The following TENM4 variants were observed in gnomAD, a reference collection of about 807,000 sequenced individuals.
TENM4 encodes teneurin-4.
TENM4 carries 82 observed loss-of-function variants against 243.3 expected under a neutral mutation model. The observed-to-expected ratio is 0.34, with a 90% CI of 0.28 to 0.40. The LOEUF is 0.40. Among genes scored for constraint, TENM4 ranks in the 10% least tolerant of loss-of-function variants. The probability of loss-of-function intolerance (pLI) is 1.00; values close to 1 mark genes in which losing one functional copy is unlikely to be tolerated. For synonymous variants in TENM4, 1,412 were observed against 1,456.3 expected (o/e 0.97, Z 0.69); for missense variants, 3,138 against 3,673.3 (o/e 0.85, Z 3.77).
chr11:78,923,693 CTTTTTT>C lies in TENM4; in HGVS notation c.494-20176_494-20171del, dbSNP rs1172776088. Reference sequence around the variant, plus strand: ...GCTGGGATGACAGGCATGCACCTGGCTTTTTTTTTTTTTTTTTTTTTTTTAAAGTAG... The same window carrying C: ...GCTGGGATGACAGGCATGCACCTGGCTTTTTTTTTTTTTTTTTTAAAGTAG... On this transcript the variant is annotated intron_variant, in intron 6 of 33. Transcript: ENST00000278550. Among the ~76,000 whole-genome samples, 14 of 53,680 alleles carry C rather than the reference CTTTTTT, an allele frequency of 2.6e-4. No homozygotes were observed. In the East Asian group the frequency reaches 3.4e-3, roughly 13 times the overall value. The allele number at this position is 53,680 out of a possible 152,430, so 35.2% of individuals were successfully genotyped here.
rs1407742416 is a variant in TENM4 at position 79,404,935 on chromosome 11, C to T, written c.-321+35574G>A. Among the ~76,000 whole-genome samples the T allele has an allele frequency of 2.0e-5, 3 of 152,026 alleles. No individual in the cohort carries two copies. In the East Asian group the frequency reaches 5.8e-4, roughly 29 times the overall value. The stretch of plus-strand genomic sequence containing the variant: ...ACCAGATGAAGCTTGTCCTCTTGTT[C>T]CTGAACCTGTGGATATGGAAACTCC... On this transcript the variant is annotated intron_variant, in intron 1 of 33. Transcript: ENST00000278550.
intron 4 of TENM4, among the ~76,000 whole-genome samples, chr11:79,116,497 G>T (rs188932128): frequency 1.3e-5 from 1 of 75,140 alleles, no homozygotes; most frequent in East Asian, 2.5e-4. Context: ...CATAATACCC[G>T]TGACGGTGCT....
At chr11:78,661,730 A>G in intron 32 of TENM4, 139 bp from the exon 33 acceptor site, 5 of 1,114,586 alleles carry the variant, frequency 4.5e-6, no homozygotes, top group Non-Finnish European at 5.1e-6. Flanking sequence ...CAACTGCTAC[A>G]TACACTTTTC....
intron 12 of TENM4, among the ~76,000 whole-genome samples, chr11:78,832,603 A>G (rs1274854603): frequency 2.0e-5 from 3 of 152,266 alleles, no homozygotes; most frequent in Admixed American, 2.0e-4. Context: ...AATTTGGAAT[A>G]AAAATAATAT....
chr11:79,326,066 C>T (rs539488490), intron 1 of TENM4, among the ~76,000 whole-genome samples: 94 of 152,326 alleles, frequency 6.2e-4, no homozygotes, highest in African/African-American at 2.2e-3. Flanking sequence ...AGCAAACGTG[C>T]GCCTTATCCC....
At chr11:79,010,150 A>C (rs583958) in intron 6 of TENM4, among the ~76,000 whole-genome samples, 1 of 151,524 alleles carries the variant, frequency 6.6e-6, no homozygotes, top group Non-Finnish European at 1.5e-5. Flanking sequence ...GTATGTCTTT[A>C]TTAGCGGTGT....
intron 9 of TENM4, among the ~76,000 whole-genome samples, chr11:78,874,270 C>G (rs1286473617): frequency 6.6e-6 from 1 of 152,060 alleles, no homozygotes; most frequent in East Asian, 1.9e-4. Context: ...TAATAGAAAA[C>G]CATCTCCCAG....
chr11:78,879,507 C>T (rs1214165784), intron 9 of TENM4, among the ~76,000 whole-genome samples: 2 of 128,100 alleles, frequency 1.6e-5, no homozygotes, highest in Admixed American at 8.0e-5. Context: ...CTGGCAGCCC[C>T]GTCTGGGAAC....
intron 1 of TENM4, among the ~76,000 whole-genome samples, chr11:79,333,076 C>T (rs1857087522): frequency 6.6e-6 from 1 of 152,166 alleles, no homozygotes; most frequent in Non-Finnish European, 1.5e-5. Flanking sequence ...TACTTTTTAT[C>T]ACTGAATCCC....
intron 17 of TENM4, among the ~76,000 whole-genome samples, chr11:78,774,322 T>C (rs1347756907): frequency 1.3e-5 from 2 of 152,062 alleles, no homozygotes; most frequent in Non-Finnish European, 2.9e-5. Context: ...AACGTTTAGG[T>C]CAAAAGCTAT....
At chr11:79,290,075 C>T (rs1020220359) in intron 2 of TENM4, among the ~76,000 whole-genome samples, 1 of 152,076 alleles carries the variant, frequency 6.6e-6, no homozygotes, top group African/African-American at 2.4e-5. Flanking sequence ...GGATTACAGG[C>T]ATGAGCCACT....
At chr11:79,208,576 AC>A (rs1409939850) in intron 3 of TENM4, among the ~76,000 whole-genome samples, 1 of 152,174 alleles carries the variant, frequency 6.6e-6, no homozygotes, top group Admixed American at 6.5e-5. Context: ...ATAGCAGATG[AC>A]CTTGATCCAA....
chr11:78,911,377 T>C (rs1281449832), intron 6 of TENM4, among the ~76,000 whole-genome samples: 2 of 152,218 alleles, frequency 1.3e-5, no homozygotes, highest in Non-Finnish European at 2.9e-5. Flanking sequence ...ATTCTCTGCC[T>C]TTCTGTGTCC....
intron 6 of TENM4, among the ~76,000 whole-genome samples, chr11:78,957,571 AC>A (rs1857233441): frequency 6.6e-5 from 10 of 152,364 alleles, no homozygotes; most frequent in Admixed American, 6.5e-4. Context: ...AGAAAAATAA[AC>A]ACTCCTCCAC....
chr11:79,209,823 A>G (rs1863923992), intron 3 of TENM4, among the ~76,000 whole-genome samples: 1 of 152,212 alleles, frequency 6.6e-6, no homozygotes, highest in East Asian at 1.9e-4. Flanking sequence ...TTTCCAAAGG[A>G]CAAGACAGGC....
chr11:79,198,612 A>T (rs750329993), intron 3 of TENM4, among the ~76,000 whole-genome samples: 23 of 152,226 alleles, frequency 1.5e-4, no homozygotes, highest in Admixed American at 1.3e-4. Flanking sequence ...GTGGGAATAG[A>T]CCCAGCCTGC....
intron 2 of TENM4, among the ~76,000 whole-genome samples, chr11:79,240,757 A>T (rs1171408648): frequency 1.3e-5 from 2 of 152,088 alleles, no homozygotes; most frequent in African/African-American, 2.4e-5. Context: ...AAAATAAATG[A>T]TTCCATTAAA....
intron 3 of TENM4, among the ~76,000 whole-genome samples, chr11:79,184,571 G>GGGGGGGTGTTTGGGGGGGGGGGC (rs1863349362): frequency 7.7e-6 from 1 of 129,600 alleles, no homozygotes; most frequent in Non-Finnish European, 1.6e-5. Flanking sequence ...GGGGGGGTGG[G>GGGGGGGTGTTTGGGGGGGGGGGC]AACTCCTAAC....
chr11:79,005,471 T>A (rs982605396), intron 6 of TENM4, among the ~76,000 whole-genome samples: 1 of 152,088 alleles, frequency 6.6e-6, no homozygotes, highest in African/African-American at 2.4e-5. Context: ...TAAATGTGAT[T>A]CATCACATAA....
Sources: gnomAD v4.1 joint callset for allele counts (sites outside exome capture counted in the v4.1 genomes callset) on GRCh38, gnomAD v4.1.1 for gene constraint, MANE v1.5 for transcripts, NCBI Gene and HGNC (gene_info 2026-07-23, HGNC 2026-07-21) for gene names.